The following RNF44 variants were observed in gnomAD, a reference collection of about 807,000 sequenced individuals.
RNF44 encodes ring finger protein 44.
Under a neutral mutation model 53.6 loss-of-function variants are expected in RNF44, and 25 were observed. The observed-to-expected ratio is 0.47, with a 90% CI of 0.34 to 0.65. RNF44 has a LOEUF of 0.65. Among genes scored for constraint, RNF44 ranks in the 30% least tolerant of loss-of-function variants. The probability of loss-of-function intolerance (pLI) is 0.01; values close to 1 mark genes in which losing one functional copy is unlikely to be tolerated. For synonymous variants in RNF44, 282 were observed against 252.2 expected (o/e 1.12, Z -1.12); for missense variants, 581 against 595.5 (o/e 0.98, Z 0.25).
In RNF44 at chr5:176,528,537, G is replaced by A. The variant is rs1756250121; in HGVS notation, c.*491C>T. ...AGTTCACTGTTCGGGGTCAAGGAGG[G>A]GGGATTCAGCCCTGGGGCTCAGGAA... On this transcript the variant is annotated 3_prime_UTR_variant, in exon 11 of 11. Coordinates refer to ENST00000274811, the MANE Select transcript of RNF44 (RefSeq NM_014901.5). 6.3e-6 allele frequency: 1 copy of A among 159,788 alleles called. No homozygotes were observed. Among genetic ancestry groups the A allele is most frequent in the Non-Finnish European group, 1.4e-5 (1 of 73,256 alleles). The allele number at this position is 159,788 out of a possible 1,614,324, so 9.9% of individuals were successfully genotyped here. A position where few individuals can be genotyped will look rare whatever the true frequency, so the allele number is the denominator to read the frequency against.
chr5:176,539,088 A>G (rs1456343474), upstream of RNF44, among the ~76,000 whole-genome samples: 2 of 152,230 alleles, frequency 1.3e-5, no homozygotes, highest in Non-Finnish European at 2.9e-5. Context: ...CTTGGGGAAC[A>G]GACATGTTTA....
intron 1 of RNF44, among the ~76,000 whole-genome samples, chr5:176,533,037 A>C (rs1310861292): frequency 1.3e-5 from 2 of 152,110 alleles, no homozygotes; most frequent in Non-Finnish European, 2.9e-5. Context: ...GGTTCCTGGT[A>C]GGCTCCTGCT....
At chr5:176,540,199 CTTTT>C (rs1388108961), upstream of RNF44, among the ~76,000 whole-genome samples, 1 of 152,140 alleles carries the variant, frequency 6.6e-6, no homozygotes, top group Non-Finnish European at 1.5e-5. Flanking sequence ...AGGGGTTTGG[CTTTT>C]TTAAGTGCGC....
Position 176,527,378 on chromosome 5 carries a change from G to C in RNF44, c.*1650C>G, listed in dbSNP as rs1401796649. The C allele has an allele frequency of 6.6e-6, 1 of 152,568 alleles. No individual in the cohort carries two copies. The highest frequency in any genetic ancestry group is 1.5e-5 in the Non-Finnish European group (1 of 68,050). The allele number at this position is 152,568 out of a possible 1,614,324, so 9.5% of individuals were successfully genotyped here. ...CACTGCTGCAGCCGACACACAATCT[G>C]TGAGCCTGTTTCCGCCTGCCCCAGG... On this transcript the variant is annotated 3_prime_UTR_variant, in exon 11 of 11. Coordinates refer to ENST00000274811, the MANE Select transcript of RNF44 (RefSeq NM_014901.5).
At position 176,531,900 on chromosome 5, in the gene RNF44, T is replaced by C; in HGVS notation, c.297+104A>G. The C allele has an allele frequency of 7.8e-7, 1 of 1,281,620 alleles. No individual in the cohort carries two copies. The highest frequency in any genetic ancestry group is 1.1e-6 in the Non-Finnish European group (1 of 933,776). 79.4% of individuals were successfully genotyped at this position (1,281,620 alleles called of 1,614,324 possible). On this transcript the variant is annotated intron_variant, in intron 3 of 10. Transcript: ENST00000274811. The surrounding 1 kb of genome is among the most constrained non-coding windows in gnomAD (Gnocchi z 4.2). ...TAAAGCAGGGCCAATAATGCCTCCC[T>C]GGAACGTGAAATGAAGCAAGCTAGG...
chr5:176,542,578 A>C (rs1478377142), upstream of RNF44: 1 of 152,058 alleles, frequency 6.6e-6, no homozygotes. Flanking sequence ...CGGACCCTGG[A>C]AGATCGAGGA....
rs546228558 is a variant in RNF44 at position 176,532,217 on chromosome 5, G to A, written c.108-24C>T. The A allele has an allele frequency of 9.4e-6, 14 of 1,492,756 alleles. No homozygotes were observed. The African/African-American group carries it at 1.3e-4, about 13-fold the overall frequency. 92.5% of individuals were successfully genotyped at this position (1,492,756 alleles called of 1,614,324 possible). A position where few individuals can be genotyped will look rare whatever the true frequency, so the allele number is the denominator to read the frequency against. On this transcript the variant is annotated intron_variant, in intron 2 of 10. Transcript: ENST00000274811. ...GGCTGCACCACAGAGAGGAGGCCCC[G>A]ATAGGACTGAGGGGGGCCACTCGTG...
upstream of RNF44, among the ~76,000 whole-genome samples, chr5:176,539,241 A>C (rs1757389853): frequency 6.6e-6 from 1 of 152,130 alleles, no homozygotes; most frequent in Non-Finnish European, 1.5e-5. Context: ...GGAACGCCAA[A>C]CTCTATCCAT....
At position 176,536,775 on chromosome 5, in the gene RNF44, C is replaced by G. The variant is rs547318376; in HGVS notation, c.-45+165G>C. 2.9e-5 allele frequency among the ~76,000 whole-genome samples: 4 copies of G among 136,056 alleles called. No homozygotes were observed. In the South Asian group the frequency reaches 9.3e-4, roughly 32 times the overall value. 89.3% of individuals were successfully genotyped at this position (136,056 alleles called of 152,430 possible). A position where few individuals can be genotyped will look rare whatever the true frequency, so the allele number is the denominator to read the frequency against. On this transcript the variant is annotated intron_variant, in intron 1 of 10. Transcript: ENST00000274811. Reference sequence around the variant, plus strand: ...GAGATACGGCCCGGCCACGGGGGGCCTTGGGGGGGGTTCCTGATCCCTGGG... The same window carrying G: ...GAGATACGGCCCGGCCACGGGGGGCGTTGGGGGGGGTTCCTGATCCCTGGG...
chr5:176,530,438 GCCTCCCAGCCGCCCC>G (rs1756522834), intron 6 of RNF44, 129 bp downstream of exon 6: 2 of 1,084,612 alleles, frequency 1.8e-6, no homozygotes, highest in African/African-American at 3.4e-5. Context: ...CAGCAGGCCT[GCCTCCCAGCCGCCCC>G]GGAGCCCACG....
upstream of RNF44, among the ~76,000 whole-genome samples, chr5:176,540,829 C>T (rs1396302550): frequency 6.6e-6 from 1 of 152,226 alleles, no homozygotes; most frequent in East Asian, 1.9e-4. Context: ...AACCTTCACG[C>T]GTGGATGTGA....
Position 176,529,536 on chromosome 5 carries a change from A to G in RNF44, c.1123T>C (p.Ser375Pro). The G allele has an allele frequency of 2.5e-6, 4 of 1,613,950 alleles. No homozygotes were observed. Among genetic ancestry groups the G allele is most frequent in the Non-Finnish European group, 3.4e-6 (4 of 1,180,008 alleles). Reference protein sequence around the residue: ...SYRFNPDSHQSEQTLCVVCFS... With the variant: ...SYRFNPDSHQPEQTLCVVCFS... The stretch of plus-strand genomic sequence containing the variant: ...CAGGGTACTCACAGCGTCTGCTCCG[A>G]CTGATGGCTGTCCGGGTTAAAGCGG... Residue 375 changes from serine to proline, a missense_variant, in exon 9 of 11, where the codon TCG (serine) becomes CCG (proline). This residue lies in a region of RNF44 where 183 missense variants were observed against 198.6 expected (regional missense o/e 0.92). Coordinates refer to ENST00000274811, the MANE Select transcript of RNF44 (RefSeq NM_014901.5).
intron 1 of RNF44, among the ~76,000 whole-genome samples, chr5:176,536,504 G>A (rs1757190812): frequency 6.6e-6 from 1 of 152,182 alleles, no homozygotes; most frequent in African/African-American, 2.4e-5. Flanking sequence ...GGGCCGAGGC[G>A]CGGACACAGC....
chr5:176,532,757 A>AAAAAAG (rs1049923424), intron 1 of RNF44, among the ~76,000 whole-genome samples: 11 of 149,322 alleles, frequency 7.4e-5, no homozygotes, highest in Non-Finnish European at 1.6e-4. Context: ...CAAAAAAAAA[A>AAAAAAG]AAAAAAAAAG....
chr5:176,529,176 G>A (rs2241584), intron 10 of RNF44, 86 bp from the exon 11 acceptor site: 579,010 of 1,567,434 alleles, frequency 0.37, 108,204 homozygotes, highest in Middle Eastern at 0.41. Flanking sequence ...TTGGTCCGCT[G>A]GAGCCAGAAC....
In RNF44 at chr5:176,529,557, A is replaced by G; in HGVS notation, c.1102T>C (p.Phe368Leu). The G allele has an allele frequency of 2.5e-6, 4 of 1,614,006 alleles. No homozygotes were observed. Among genetic ancestry groups the G allele is most frequent in the Non-Finnish European group, 3.4e-6 (4 of 1,180,020 alleles). The change falls in exon 9 of 11, where the codon TTT becomes CTT. Residue 368 changes from phenylalanine (F) to leucine (L), a missense_variant. Phe to Leu is a conservative substitution (Grantham distance 22). Coordinates refer to ENST00000274811, the MANE Select transcript of RNF44 (RefSeq NM_014901.5). ...ADIEQLPSYR[F>L]NPDSHQSEQT... is the part of the protein sequence containing the mutation. ...TCCGACTGATGGCTGTCCGGGTTAA[A>G]GCGGTACGACGGGAGCTGCTCTATG... is the stretch of plus-strand genomic sequence containing the variant.
In RNF44 at chr5:176,531,814, G is replaced by GA. The variant is rs35753354; in HGVS notation, c.298-185dup. On this transcript the variant is annotated intron_variant, in intron 3 of 10. Coordinates refer to ENST00000274811, the MANE Select transcript of RNF44 (RefSeq NM_014901.5). This position sits in a 1 kb window ranked among gnomAD's most constrained non-coding sequence, Gnocchi z 4.2. ...CCCCGGGGCAGAGAAAGCCCCGTGG[G>GA]AATCTAGCTCTGCTAGTCACCCAGT... 8 of 859,754 alleles carry GA rather than the reference G, an allele frequency of 9.3e-6. No individual in the cohort carries two copies. The highest frequency in any genetic ancestry group is 1.4e-5 in the Non-Finnish European group (8 of 568,280). The allele number at this position is 859,754 out of a possible 1,614,324, so 53.3% of individuals were successfully genotyped here. A position where few individuals can be genotyped will look rare whatever the true frequency, so the allele number is the denominator to read the frequency against.
intron 1 of RNF44, among the ~76,000 whole-genome samples, chr5:176,535,662 T>A (rs1757085147): frequency 6.6e-6 from 1 of 152,176 alleles, no homozygotes; most frequent in African/African-American, 2.4e-5. Context: ...ATCCCGAGTC[T>A]CCAAGCCATA....
Position 176,529,750 on chromosome 5 carries a change from A to G in RNF44, c.995T>C (p.Val332Ala), listed in dbSNP as rs756227307. Reference protein sequence around the residue: ...TISLDLDVDDVEMENYEALLN... With the variant: ...TISLDLDVDDAEMENYEALLN... ...TGGGACCTCATAGTTCTCCATCTCC[A>G]CATCATCCACGTCCAGGTCCAGGCT... The change falls in exon 8 of 11, where the codon GTG (valine) becomes GCG (alanine). Residue 332 changes from valine (V) to alanine (A), a missense_variant. Physicochemically the swap from Val to Ala is moderately conservative, Grantham distance 64. Around this residue, in one of 3 missense-constraint regions of RNF44, gnomAD observed 183 missense variants for 198.6 expected, o/e 0.92. Coordinates refer to ENST00000274811, the MANE Select transcript of RNF44 (RefSeq NM_014901.5). The G allele has an allele frequency of 1.2e-6, 2 of 1,612,212 alleles. No individual in the cohort carries two copies. Among genetic ancestry groups the G allele is most frequent in the South Asian group, 2.2e-5 (2 of 90,732 alleles).
Sources: allele counts gnomAD v4.1 joint callset (sites outside exome capture counted in the v4.1 genomes callset), GRCh38; gene constraint gnomAD v4.1.1; regional missense constraint gnomAD v4.1.1; non-coding constraint Gnocchi (gnomAD v3.1); transcripts MANE v1.5; gene names NCBI Gene and HGNC (gene_info 2026-07-23, HGNC 2026-07-21).